AFF3: variants seen among roughly 807,000 people sequenced by gnomAD.
AFF3 encodes the protein ALF transcription elongation factor 3.
Under a neutral mutation model 129.7 loss-of-function variants are expected in AFF3, and 32 were observed. The ratio of observed to expected loss-of-function variants is 0.25; its 90% CI spans 0.19 to 0.33. AFF3 has a LOEUF of 0.33. Ranked by LOEUF, AFF3 falls within the 10% of genes least tolerant of loss-of-function variation. The probability of loss-of-function intolerance (pLI) is 1.00; values close to 1 mark genes in which losing one functional copy is unlikely to be tolerated. For missense variants in AFF3, 1,373 were observed against 1,592.0 expected (o/e 0.86, Z 2.34); for synonymous variants, 644 against 635.4 (o/e 1.01, Z -0.20).
At chr2:99,613,225 T>G (rs868062716) in intron 13 of AFF3, among the ~76,000 whole-genome samples, 44 of 152,222 alleles carry the variant, frequency 2.9e-4, no homozygotes, top group Admixed American at 8.5e-4. Context: ...TGGCAGGTTT[T>G]GTATCATGAT....
intron 11 of AFF3, among the ~76,000 whole-genome samples, chr2:99,698,497 T>C (rs990908044): frequency 2.0e-5 from 3 of 152,246 alleles, no homozygotes; most frequent in Non-Finnish European, 4.4e-5. Context: ...TCCAAGCACT[T>C]TGACTCACTT....
chr2:99,662,059 G>T (rs1364339410), intron 12 of AFF3, among the ~76,000 whole-genome samples: 1 of 152,024 alleles, frequency 6.6e-6, no homozygotes, highest in Non-Finnish European at 1.5e-5. Flanking sequence ...AGAATCGCTT[G>T]AACCCGGGAG....
intron 7 of AFF3, among the ~76,000 whole-genome samples, chr2:99,927,710 C>T (rs981192941): frequency 6.6e-6 from 1 of 152,142 alleles, no homozygotes. Flanking sequence ...CAAACTTGCC[C>T]ATGTACCCCT....
At chr2:99,794,289 T>C (rs946638837) in intron 8 of AFF3, among the ~76,000 whole-genome samples, 6 of 152,242 alleles carry the variant, frequency 3.9e-5, no homozygotes, top group African/African-American at 1.4e-4. Flanking sequence ...CAGAGACTGA[T>C]GAAGTTTGTT....
chr2:100,014,153 T>G (rs957412551), intron 4 of AFF3, among the ~76,000 whole-genome samples: 1 of 151,696 alleles, frequency 6.6e-6, no homozygotes, highest in African/African-American at 2.4e-5. Flanking sequence ...CAAACTGCAT[T>G]TCCCATGGAG....
At chr2:99,583,425 CA>C (rs1677775744) in intron 16 of AFF3, among the ~76,000 whole-genome samples, 1 of 152,188 alleles carries the variant, frequency 6.6e-6, no homozygotes, top group African/African-American at 2.4e-5. Flanking sequence ...CTCTGCTGCC[CA>C]GGCTGGAGAG....
intron 18 of AFF3, among the ~76,000 whole-genome samples, chr2:99,573,189 A>T (rs746183928): frequency 2.6e-5 from 4 of 152,182 alleles, no homozygotes; most frequent in Non-Finnish European, 4.4e-5. Context: ...TGAGATTTCA[A>T]TCCAGGAGAT....
intron 11 of AFF3, among the ~76,000 whole-genome samples, chr2:99,682,253 T>C (rs1296719819): frequency 6.6e-6 from 1 of 152,170 alleles, no homozygotes; most frequent in African/African-American, 2.4e-5. Context: ...TAAAATCATC[T>C]CCAATCCATA....
intron 4 of AFF3, among the ~76,000 whole-genome samples, chr2:100,025,199 C>T (rs1373699894): frequency 2.0e-5 from 3 of 151,982 alleles, no homozygotes; most frequent in Non-Finnish European, 4.4e-5. Context: ...CCCCTTCCTT[C>T]CTCACTCCCC....
chr2:99,695,880 G>A (rs867791296), intron 11 of AFF3, among the ~76,000 whole-genome samples: 1 of 128,222 alleles, frequency 7.8e-6, no homozygotes, highest in Non-Finnish European at 1.6e-5. Flanking sequence ...TCACAGGGTC[G>A]TTTTCCCTAG....
intron 2 of AFF3, chr2:100,107,468 A>G (rs1184308258): frequency 1.0e-6 from 1 of 985,226 alleles, no homozygotes; most frequent in Non-Finnish European, 1.2e-6. Context: ...TATGTAAAAG[A>G]GAAAGAGACT....
chr2:99,648,883 G>C (rs1113018), intron 13 of AFF3, among the ~76,000 whole-genome samples: 1 of 90,850 alleles, frequency 1.1e-5, no homozygotes. Context: ...CAAAACACGC[G>C]CGCACACACA....
Position 99,903,299 on chromosome 2 carries a change from T to C in AFF3, c.874-65775A>G, listed in dbSNP as rs148346513. 3.3e-3 allele frequency among the ~76,000 whole-genome samples: 495 copies of C among 152,276 alleles called. 4 individuals carry two copies. The highest frequency in any genetic ancestry group is 4.8e-3 in the Non-Finnish European group (328 of 68,020). ...AATGTGTATCTTTTAATCAATGATA[T>C]ATGGTAACAAACTCTCTTCTGCTTT... On this transcript the variant is annotated intron_variant, in intron 7 of 24. Coordinates refer to ENST00000672756, the MANE Select transcript of AFF3 (RefSeq NM_001386135.1).
intron 7 of AFF3, among the ~76,000 whole-genome samples, chr2:99,984,280 T>C (rs1352106951): frequency 6.6e-6 from 1 of 152,232 alleles, no homozygotes; most frequent in Non-Finnish European, 1.5e-5. Context: ...AAACAGTTCA[T>C]TGACTTCTCT....
chr2:100,022,774 C>T (rs886317268), intron 4 of AFF3, among the ~76,000 whole-genome samples: 1 of 152,098 alleles, frequency 6.6e-6, no homozygotes, highest in African/African-American at 2.4e-5. Context: ...ATGCCACAGG[C>T]AATACAGGCA....
At chr2:99,928,938 T>A (rs1696478877) in intron 7 of AFF3, among the ~76,000 whole-genome samples, 1 of 152,124 alleles carries the variant, frequency 6.6e-6, no homozygotes, top group South Asian at 2.1e-4. Flanking sequence ...AGTGTGCGAC[T>A]CACACATCAC....
At chr2:99,621,257 A>G (rs1445700415) in intron 13 of AFF3, among the ~76,000 whole-genome samples, 3 of 152,212 alleles carry the variant, frequency 2.0e-5, no homozygotes, top group Non-Finnish European at 4.4e-5. Flanking sequence ...GTTGACTATA[A>G]CAAGCTGCCT....
At chr2:99,636,896 G>A (rs946294689) in intron 13 of AFF3, among the ~76,000 whole-genome samples, 3 of 152,332 alleles carry the variant, frequency 2.0e-5, no homozygotes, top group South Asian at 2.1e-4. Context: ...AGGCTGGCCC[G>A]GGGCTACCTC....
At chr2:99,796,004 T>C (rs1388338913) in intron 8 of AFF3, among the ~76,000 whole-genome samples, 4 of 152,166 alleles carry the variant, frequency 2.6e-5, no homozygotes, top group Non-Finnish European at 5.9e-5. Context: ...TTTAGAAGAT[T>C]GTTTAGTATC....
Sources: gnomAD v4.1 joint callset for allele counts (sites outside exome capture counted in the v4.1 genomes callset) on GRCh38, gnomAD v4.1.1 for gene constraint, MANE v1.5 for transcripts, NCBI Gene and HGNC (gene_info 2026-07-23, HGNC 2026-07-21) for gene names.